Variants in CNTLN observed in about 807,000 individuals in gnomAD.
CNTLN encodes the protein centlein.
A neutral mutation model predicts 180.0 loss-of-function variants in CNTLN; 212 were observed. The observed-to-expected ratio is 1.18, with a 90% CI of 1.05 to 1.32. CNTLN has a LOEUF of 1.32. Ranked by LOEUF, CNTLN falls within the 40% of genes most tolerant of loss-of-function variation. The probability of loss-of-function intolerance (pLI) is 0.00; values close to 1 mark genes in which losing one functional copy is unlikely to be tolerated. For missense variants in CNTLN, 2,095 were observed against 1,610.9 expected (o/e 1.30, Z -5.14); for synonymous variants, 722 against 563.1 (o/e 1.28, Z -3.99).
chr9:17,429,618 G>C (rs1173683331), intron 18 of CNTLN, among the ~76,000 whole-genome samples: 1 of 151,768 alleles, frequency 6.6e-6, no homozygotes, highest in Non-Finnish European at 1.5e-5. Flanking sequence ...TGAGTTAATT[G>C]GATAAGAATT....
chr9:17,467,560 A>C (rs1000344606), intron 23 of CNTLN, among the ~76,000 whole-genome samples: 1 of 151,660 alleles, frequency 6.6e-6, no homozygotes, highest in African/African-American at 2.4e-5. Flanking sequence ...TGAATTGATA[A>C]AACATTTTAT....
the CNTLN span, among the ~76,000 whole-genome samples, chr9:17,519,351 C>G: frequency 1.6e-4 from 24 of 151,652 alleles, no homozygotes; most frequent in East Asian, 4.6e-3. Flanking sequence ...TTTCTCCTTA[C>G]TTTTAATTTA....
chr9:17,273,249 A>C (rs1244781875), intron 5 of CNTLN, among the ~76,000 whole-genome samples: 2 of 152,184 alleles, frequency 1.3e-5, no homozygotes, highest in Non-Finnish European at 2.9e-5. Context: ...CACCACAGTC[A>C]AGAGAATTGA....
At chr9:17,137,833 G>C (rs779610892) in intron 1 of CNTLN, among the ~76,000 whole-genome samples, 5 of 152,134 alleles carry the variant, frequency 3.3e-5, no homozygotes, top group Non-Finnish European at 5.9e-5. Context: ...GCATGTAATA[G>C]AAAGCAATCA....
In CNTLN at chr9:17,298,273, A is replaced by G. The variant is rs1327164853; in HGVS notation, c.1067A>G (p.Gln356Arg). The G allele has an allele frequency of 3.1e-6, 5 of 1,613,600 alleles. No individual in the cohort carries two copies. The Admixed American group carries it at 6.7e-5, about 22-fold the overall frequency. ...AQQAELIQQL[Q>R]VLNMDTQKVL... is the part of the protein sequence containing the mutation. Reference sequence around the variant, plus strand: ...CAAGCAGAGCTGATCCAGCAGCTTCAGGTTCTCAATATGGACACACAAAAA... The same window carrying G: ...CAAGCAGAGCTGATCCAGCAGCTTCGGGTTCTCAATATGGACACACAAAAA... The change falls in exon 7 of 26, where the codon CAG (glutamine) becomes CGG (arginine). Residue 356 changes from glutamine to arginine, a missense_variant. Transcript: ENST00000380647.
At chr9:17,489,078 A>G (rs1239029057) in intron 25 of CNTLN, among the ~76,000 whole-genome samples, 2 of 152,150 alleles carry the variant, frequency 1.3e-5, no homozygotes, top group African/African-American at 4.8e-5. Context: ...CATTGGTTGC[A>G]CTTGAATGTC....
intron 2 of CNTLN, among the ~76,000 whole-genome samples, chr9:17,211,309 G>T (rs57533415): frequency 1.3e-5 from 2 of 152,132 alleles, no homozygotes; most frequent in African/African-American, 4.8e-5. Context: ...TTATTAAATA[G>T]GGAATCCTTT....
intron 2 of CNTLN, among the ~76,000 whole-genome samples, chr9:17,156,767 G>A (rs1368953561): frequency 6.6e-6 from 1 of 152,106 alleles, no homozygotes; most frequent in African/African-American, 2.4e-5. Context: ...TTACAATAAA[G>A]CAAGTCACAC....
chr9:17,277,626 C>T (rs1197110430), intron 6 of CNTLN, among the ~76,000 whole-genome samples: 3 of 151,894 alleles, frequency 2.0e-5, no homozygotes, highest in African/African-American at 4.8e-5. Context: ...GATTAATTCA[C>T]GTAGAGAACC....
rs556993472 is a variant in CNTLN, at chr9:17,494,432, T to A, written c.4119+7366T>A. On this transcript the variant is annotated intron_variant, in intron 25 of 25. Coordinates refer to ENST00000380647, the MANE Select transcript of CNTLN (RefSeq NM_017738.4). ...AGGTTGTTATATAGGTAAACTCATGTCGTGGGGGTTTGTTGTATAGATTAT... is the reference window on the plus strand; with the variant it reads ...AGGTTGTTATATAGGTAAACTCATGACGTGGGGGTTTGTTGTATAGATTAT... Among the ~76,000 whole-genome samples, 52 of 152,134 alleles carry A rather than the reference T, an allele frequency of 3.4e-4. 1 individual carries two copies. The highest frequency in any genetic ancestry group is 1.3e-3 in the African/African-American group (52 of 41,414).
intron 25 of CNTLN, among the ~76,000 whole-genome samples, chr9:17,499,340 A>G (rs748200190): frequency 6.6e-6 from 1 of 152,194 alleles, no homozygotes; most frequent in Non-Finnish European, 1.5e-5. Flanking sequence ...GTTATAAGTA[A>G]TAACTCTCAA....
intron 2 of CNTLN, among the ~76,000 whole-genome samples, chr9:17,172,385 C>T (rs1361102233): frequency 6.6e-6 from 1 of 152,018 alleles, no homozygotes; most frequent in African/African-American, 2.4e-5. Context: ...CTAGTTGTCC[C>T]CAGACATTTT....
intron 3 of CNTLN, 72 bp downstream of exon 3, chr9:17,226,359 A>G (rs1040430137): frequency 3.7e-5 from 31 of 828,854 alleles, no homozygotes; most frequent in African/African-American, 5.4e-5. Context: ...AATTATTTTT[A>G]TTTTTTTGCA....
intron 2 of CNTLN, among the ~76,000 whole-genome samples, chr9:17,198,391 T>C (rs551065553): frequency 1.3e-5 from 2 of 150,380 alleles, no homozygotes; most frequent in East Asian, 3.9e-4. Context: ...TCTTTCTTTT[T>C]TTTTTTTTTT....
chr9:17,527,464 G>A, the CNTLN span, among the ~76,000 whole-genome samples: 1 of 152,178 alleles, frequency 6.6e-6, no homozygotes, highest in Non-Finnish European at 1.5e-5. Flanking sequence ...TTCCCATGGA[G>A]TACACACTGA....
intron 18 of CNTLN, among the ~76,000 whole-genome samples, chr9:17,420,196 G>A (rs1294641238): frequency 2.0e-5 from 3 of 152,064 alleles, no homozygotes; most frequent in African/African-American, 7.2e-5. Context: ...ATTGGGTCCT[G>A]GGCTTTTCTT....
the CNTLN span, among the ~76,000 whole-genome samples, chr9:17,525,547 A>G: frequency 6.6e-6 from 1 of 152,200 alleles, no homozygotes; most frequent in Non-Finnish European, 1.5e-5. Flanking sequence ...AAACTTTCCT[A>G]CATTGGTTTG....
intron 18 of CNTLN, among the ~76,000 whole-genome samples, chr9:17,419,587 C>G (rs1828544372): frequency 6.6e-6 from 1 of 152,080 alleles, no homozygotes; most frequent in Non-Finnish European, 1.5e-5. Context: ...TTTTCTCACA[C>G]TAGGCATTCA....
intron 7 of CNTLN, among the ~76,000 whole-genome samples, chr9:17,307,536 C>A (rs2132890762): frequency 6.6e-6 from 1 of 152,220 alleles, no homozygotes; most frequent in Non-Finnish European, 1.5e-5. Context: ...TCCCAAAGTG[C>A]TGGGATTACA....
Sources: allele counts gnomAD v4.1 joint callset (sites outside exome capture counted in the v4.1 genomes callset), GRCh38; gene constraint gnomAD v4.1.1; transcripts MANE v1.5; gene names NCBI Gene and HGNC (gene_info 2026-07-23, HGNC 2026-07-21).